The following TVP23A variants were observed in gnomAD, a reference collection of about 807,000 sequenced individuals.
The protein encoded by TVP23A is trans-golgi network vesicle protein 23 homolog A.
In TVP23A, 21 loss-of-function variants were observed where a neutral mutation model predicts 31.7. The observed-to-expected ratio is 0.66, with a 90% confidence interval of 0.47 to 0.95. The LOEUF (loss-of-function observed/expected upper bound fraction) is 0.95. Ranked by LOEUF, TVP23A falls within the 40% of genes least tolerant of loss-of-function variation. The pLI is 0.00. For synonymous variants in TVP23A, 104 were observed against 96.0 expected (o/e 1.08, Z -0.49); for missense variants, 279 against 255.6 (o/e 1.09, Z -0.62).
chr16:10,793,054 C>T (rs1298360297), intron 2 of TVP23A, among the ~76,000 whole-genome samples: 3 of 152,070 alleles, frequency 2.0e-5, no homozygotes, highest in African/African-American at 4.8e-5. Flanking sequence ...TCTGGGAGGC[C>T]GAGGTGGGTG....
At chr16:10,814,878 G>A (rs11643046) in intron 2 of TVP23A, among the ~76,000 whole-genome samples, 7,019 of 151,920 alleles carry the variant, frequency 0.046, 311 homozygotes, top group African/African-American at 0.11. Flanking sequence ...AGTGCTGCAG[G>A]GTCTGGCCCC....
At chr16:10,758,023 C>G (rs148166867), downstream of TVP23A, 3 of 1,612,406 alleles carry the variant, frequency 1.9e-6, no homozygotes, top group Non-Finnish European at 2.5e-6. Context: ...ATCACCACTC[C>G]CCAGGTGAGC....
chr16:10,814,662 C>G (rs2034356522), intron 2 of TVP23A, among the ~76,000 whole-genome samples: 1 of 152,200 alleles, frequency 6.6e-6, no homozygotes, highest in Non-Finnish European at 1.5e-5. Context: ...CTGCCCAATG[C>G]CACAGCCACA....
At chr16:10,774,909 C>A (rs2031892103) in intron 3 of TVP23A, 43 bp downstream of exon 3, 8 of 1,577,278 alleles carry the variant, frequency 5.1e-6, no homozygotes, top group Non-Finnish European at 6.9e-6. Flanking sequence ...AGGGGACAAG[C>A]CTCGTGTTTC....
chr16:10,770,572 A>C (rs1228630424), intron 6 of TVP23A, among the ~76,000 whole-genome samples: 2 of 150,934 alleles, frequency 1.3e-5, no homozygotes, highest in Non-Finnish European at 1.5e-5. Flanking sequence ...AGTTAAAAAA[A>C]AAAAACAAAA....
chr16:10,762,896 TG>T (rs1411294829), downstream of TVP23A, among the ~76,000 whole-genome samples: 2 of 147,786 alleles, frequency 1.4e-5, no homozygotes, highest in Non-Finnish European at 3.1e-5. Flanking sequence ...AAGGGCTGCA[TG>T]GGGAGAATGG....
Position 10,766,766 on chromosome 16 carries a change from C to T in TVP23A, c.*2336G>A. 2 of 396,646 alleles carry T rather than the reference C, an allele frequency of 5.0e-6. No individual in the cohort carries two copies. The highest frequency in any genetic ancestry group is 8.9e-6 in the Non-Finnish European group (2 of 225,336). The allele number at this position is 396,646 out of a possible 1,614,324, so 24.6% of individuals were successfully genotyped here. On this transcript the variant is annotated 3_prime_UTR_variant, in exon 8 of 8. Transcript: ENST00000299866. The surrounding 1 kb of genome is among the most constrained non-coding windows in gnomAD (Gnocchi z 4.8). ...CCTGAGAATAGGGGCTCAAAGGCCC[C>T]ATTACAGAGTTTTTGTGTTTAAATA...
Position 10,779,378 on chromosome 16 carries a change from A to G in TVP23A, c.90-4282T>C, listed in dbSNP as rs1480738973. Among the ~76,000 whole-genome samples, 2 of 152,110 alleles carry G rather than the reference A, an allele frequency of 1.3e-5. No individual in the cohort carries two copies. Among genetic ancestry groups the G allele is most frequent in the Admixed American group, 6.5e-5 (1 of 15,274 alleles). ...CTCAGACCAGTTTTCCAGAGTTTTG[A>G]GAGTCATGGCTTAAGTCCTGTCCAC... On this transcript the variant is annotated intron_variant, in intron 2 of 7. Transcript: ENST00000299866. The surrounding 1 kb of genome is among the most constrained non-coding windows in gnomAD (Gnocchi z 4.9).
intron 2 of TVP23A, among the ~76,000 whole-genome samples, chr16:10,803,692 G>C (rs538798265): frequency 2.6e-5 from 4 of 152,054 alleles, no homozygotes. Flanking sequence ...TGAGGCTCTC[G>C]GTTCTTTATT....
intron 2 of TVP23A, among the ~76,000 whole-genome samples, chr16:10,804,722 C>T (rs973363050): frequency 3.3e-5 from 5 of 152,038 alleles, no homozygotes; most frequent in Non-Finnish European, 4.4e-5. Context: ...CTCCAGCCTG[C>T]GCCACAGAGC....
At chr16:10,817,972 G>T in intron 2 of TVP23A, 131 bp downstream of exon 2, 1 of 773,926 alleles carries the variant, frequency 1.3e-6, no homozygotes, top group Middle Eastern at 2.3e-4. Context: ...TGTCTGATGT[G>T]TCCACAGATA....
intron 3 of TVP23A, among the ~76,000 whole-genome samples, chr16:10,774,386 A>C (rs1192346327): frequency 6.6e-6 from 1 of 152,120 alleles, no homozygotes; most frequent in Non-Finnish European, 1.5e-5. Context: ...TATATGTATT[A>C]ATTCGTATAC....
At position 10,779,740 on chromosome 16, in the gene TVP23A, C is replaced by T. The variant is rs2032304290; in HGVS notation, c.90-4644G>A. Among the ~76,000 whole-genome samples, 2 of 152,202 alleles carry T rather than the reference C, an allele frequency of 1.3e-5. No individual in the cohort carries two copies. The highest frequency in any genetic ancestry group is 4.1e-4 in the South Asian group (2 of 4,830). ...GCCAACTTAAAATTACCAAGTTTTCCAGAGCTTATATACCTTCTGAGCTAT... is the reference window on the plus strand; with the variant it reads ...GCCAACTTAAAATTACCAAGTTTTCTAGAGCTTATATACCTTCTGAGCTAT... On this transcript the variant is annotated intron_variant, in intron 2 of 7. Transcript: ENST00000299866. This position sits in a 1 kb window ranked among gnomAD's most constrained non-coding sequence, Gnocchi z 4.9.
At chr16:10,808,440 G>A in intron 2 of TVP23A, 1 of 446,788 alleles carries the variant, frequency 2.2e-6, no homozygotes, top group Non-Finnish European at 4.5e-6. Context: ...TGTAGTGTCT[G>A]AGACCACAGG....
In TVP23A at chr16:10,784,056, C is replaced by T. The variant is rs1012654118; in HGVS notation, c.90-8960G>A. On this transcript the variant is annotated intron_variant, in intron 2 of 7. Transcript: ENST00000299866. Reference sequence around the variant, plus strand: ...GCCAAAACTCATAGAATGGGCTAGGCGTGGTGGCTCATGCCTGCCTACAAT... The same window carrying T: ...GCCAAAACTCATAGAATGGGCTAGGTGTGGTGGCTCATGCCTGCCTACAAT... Among the ~76,000 whole-genome samples the T allele has an allele frequency of 4.6e-5, 7 of 152,150 alleles. No homozygotes were observed. The South Asian group carries it at 1.2e-3, about 27-fold the overall frequency.
At position 10,779,960 on chromosome 16, in the gene TVP23A, C is replaced by T. The variant is rs976302875; in HGVS notation, c.90-4864G>A. 4.6e-5 allele frequency among the ~76,000 whole-genome samples: 7 copies of T among 152,016 alleles called. No homozygotes were observed. Among genetic ancestry groups the T allele is most frequent in the East Asian group, 1.9e-4 (1 of 5,152 alleles). ...AAAAATTAGCGGGTGTGGTGGTGCA[C>T]GCCTATAATTCCAGCTACTCGGGAG... On this transcript the variant is annotated intron_variant, in intron 2 of 7. Transcript: ENST00000299866. The surrounding 1 kb of genome is among the most constrained non-coding windows in gnomAD (Gnocchi z 4.9).
At chr16:10,771,245 A>G (rs1596492076) in intron 6 of TVP23A, among the ~76,000 whole-genome samples, 1 of 152,208 alleles carries the variant, frequency 6.6e-6, no homozygotes, top group East Asian at 1.9e-4. Context: ...TTACAATTAA[A>G]AAACAAAACT....
chr16:10,770,868 CAAAAAAAAAAAA>C (rs376701429), intron 6 of TVP23A, among the ~76,000 whole-genome samples: 12 of 66,460 alleles, frequency 1.8e-4, no homozygotes, highest in African/African-American at 2.6e-4. Flanking sequence ...ACTCCCATCT[CAAAAAAAAAAAA>C]AAAAAAAAAA....
At chr16:10,815,415 C>CA (rs1206255288) in intron 2 of TVP23A, among the ~76,000 whole-genome samples, 2 of 151,956 alleles carry the variant, frequency 1.3e-5, no homozygotes, top group Non-Finnish European at 2.9e-5. Context: ...ATCTCAAAAA[C>CA]AAAAACAAAA....
Sources: gnomAD v4.1 joint callset for allele counts (sites outside exome capture counted in the v4.1 genomes callset) on GRCh38, gnomAD v4.1.1 for gene constraint, Gnocchi (gnomAD v3.1) non-coding constraint, MANE v1.5 for transcripts, NCBI Gene and HGNC (gene_info 2026-07-23, HGNC 2026-07-21) for gene names.